SAXO1: variants seen among roughly 807,000 people sequenced by gnomAD.
SAXO1 encodes 4930500O09Rik.
SAXO1 carries 21 observed loss-of-function variants against 17.5 expected under a neutral mutation model. The ratio of observed to expected loss-of-function variants is 1.20; its 90% CI spans 0.85 to 1.72. The LOEUF (loss-of-function observed/expected upper bound fraction) is 1.72, where lower values mean the gene tolerates loss of function less well. Ranked by LOEUF, SAXO1 falls within the 40% of genes most tolerant of loss-of-function variation. The probability of loss-of-function intolerance (pLI) is 0.00; values close to 1 mark genes in which losing one functional copy is unlikely to be tolerated. For missense variants in SAXO1, 843 were observed against 596.0 expected (o/e 1.41, Z -4.32); for synonymous variants, 274 against 216.5 (o/e 1.27, Z -2.33).
intron 1 of SAXO1, among the ~76,000 whole-genome samples, chr9:18,986,615 A>C (rs974725580): frequency 1.3e-5 from 2 of 152,162 alleles, no homozygotes; most frequent in African/African-American, 4.8e-5. Context: ...AAGGAGAAAA[A>C]AAAAAGGGGG....
intron 1 of SAXO1, among the ~76,000 whole-genome samples, chr9:19,013,410 T>A (rs1834838245): frequency 6.6e-6 from 1 of 152,168 alleles, no homozygotes; most frequent in South Asian, 2.1e-4. Flanking sequence ...GTATTTCCCC[T>A]TACCTTTTTC....
intron 1 of SAXO1, among the ~76,000 whole-genome samples, chr9:19,039,724 G>T (rs1322865340): frequency 6.6e-6 from 1 of 152,140 alleles, no homozygotes. Context: ...AGAGATGCAG[G>T]TCTTGGAATT....
intron 1 of SAXO1, chr9:19,027,982 G>T: frequency 6.4e-7 from 1 of 1,559,126 alleles, no homozygotes; most frequent in Non-Finnish European, 8.8e-7. Flanking sequence ...CTGCACAGAT[G>T]ACTTCAACGG....
intron 1 of SAXO1, among the ~76,000 whole-genome samples, chr9:19,011,991 G>T (rs573063718): frequency 1.4e-3 from 206 of 151,948 alleles, no homozygotes; most frequent in African/African-American, 4.8e-3. Flanking sequence ...GACTACAGGC[G>T]CAGGTCACCA....
intron 1 of SAXO1, among the ~76,000 whole-genome samples, chr9:19,006,426 T>G (rs1834483275): frequency 6.6e-6 from 1 of 152,168 alleles, no homozygotes; most frequent in African/African-American, 2.4e-5. Context: ...TACAACAGAT[T>G]ATTCGGTCTT....
chr9:18,993,220 T>C, intron 1 of SAXO1, among the ~76,000 whole-genome samples: 1 of 151,800 alleles, frequency 6.6e-6, no homozygotes. Context: ...GTCATCTAGG[T>C]TTTAAGCCCC....
At chr9:18,968,724 G>C (rs1025732002) in intron 1 of SAXO1, among the ~76,000 whole-genome samples, 1 of 151,942 alleles carries the variant, frequency 6.6e-6, no homozygotes, top group Non-Finnish European at 1.5e-5. Flanking sequence ...CTCTGGAGTA[G>C]CTGGGATTAC....
chr9:18,983,912 C>T (rs1833493361), intron 1 of SAXO1, among the ~76,000 whole-genome samples: 1 of 152,164 alleles, frequency 6.6e-6, no homozygotes, highest in African/African-American at 2.4e-5. Flanking sequence ...AGGAGTTAAC[C>T]ACATTCTATG....
chr9:18,985,644 A>G (rs886085516), intron 1 of SAXO1, among the ~76,000 whole-genome samples: 2 of 152,194 alleles, frequency 1.3e-5, no homozygotes, highest in African/African-American at 4.8e-5. Flanking sequence ...GATGGAGCCC[A>G]AGGGCCTCTG....
intron 2 of SAXO1, among the ~76,000 whole-genome samples, chr9:18,945,526 G>A (rs1831756222): frequency 6.6e-6 from 1 of 152,152 alleles, no homozygotes; most frequent in African/African-American, 2.4e-5. Context: ...AGGCAGCTTG[G>A]GGAGTCCATC....
At chr9:18,949,522 C>G (rs1356270499) in intron 2 of SAXO1, among the ~76,000 whole-genome samples, 1 of 152,182 alleles carries the variant, frequency 6.6e-6, no homozygotes, top group Admixed American at 6.5e-5. Flanking sequence ...TCAACTCCCT[C>G]TCATTCTCAA....
rs1303383625 is a variant in SAXO1, at chr9:18,928,220, C to T, written c.1257G>A (p.Arg419=). 1 of 1,614,144 alleles carries T rather than the reference C, an allele frequency of 6.2e-7. No homozygotes were observed. ...GAGGCTCAGGATATGAAGCTAGGCA[C>T]CTGCCCATTTCCTTGGGAGTAAAGC... The part of the protein sequence containing the change: ...TISFTPKEMG[R]CLASYPEPPG... The change falls in exon 4 of 4, where the codon AGG becomes AGA. Residue 419 remains arginine (R), a synonymous_variant. Transcript: ENST00000380534.
intron 1 of SAXO1, among the ~76,000 whole-genome samples, chr9:18,975,884 A>G (rs1160570434): frequency 1.1e-5 from 1 of 94,360 alleles, no homozygotes; most frequent in Non-Finnish European, 3.1e-5. Flanking sequence ...GAAGTGGAGC[A>G]GACAGACCAA....
chr9:19,014,454 G>T lies in SAXO1; in HGVS notation c.38+18417C>A, dbSNP rs566178422. ...CCAGCCTGGGCAACAGAGCGAAACT[G>T]TGTCTCAAAAAAAAAAAAAAAAAGT... On this transcript the variant is annotated intron_variant, in intron 1 of 3. Coordinates refer to ENST00000380534, the MANE Select transcript of SAXO1 (RefSeq NM_153707.4). 3.7e-3 allele frequency among the ~76,000 whole-genome samples: 213 copies of T among 57,736 alleles called. 1 individual carries two copies. Among genetic ancestry groups the T allele is most frequent in the African/African-American group, 9.4e-3 (197 of 20,946 alleles). The allele number at this position is 57,736 out of a possible 152,430, so 37.9% of individuals were successfully genotyped here.
At chr9:18,931,900 T>G (rs1339567851) in intron 3 of SAXO1, among the ~76,000 whole-genome samples, 1 of 152,240 alleles carries the variant, frequency 6.6e-6, no homozygotes, top group African/African-American at 2.4e-5. Context: ...TTGCATGTTC[T>G]AAATACAAAT....
At chr9:18,970,208 A>G (rs1327954690) in intron 1 of SAXO1, among the ~76,000 whole-genome samples, 1 of 152,248 alleles carries the variant, frequency 6.6e-6, no homozygotes, top group East Asian at 1.9e-4. Context: ...TAAATGTCTC[A>G]TAAAATTAAT....
intron 1 of SAXO1, among the ~76,000 whole-genome samples, chr9:18,956,782 T>G (rs1008600002): frequency 6.6e-6 from 1 of 152,238 alleles, no homozygotes; most frequent in Admixed American, 6.5e-5. Flanking sequence ...AAGGCTAATT[T>G]GTGGAGCAAT....
At chr9:18,943,176 G>A (rs1314660226) in intron 2 of SAXO1, among the ~76,000 whole-genome samples, 1 of 152,234 alleles carries the variant, frequency 6.6e-6, no homozygotes, top group Non-Finnish European at 1.5e-5. Context: ...AAGTTAGGAA[G>A]CAGGAGAATT....
At chr9:19,002,035 T>A (rs571715652) in intron 1 of SAXO1, among the ~76,000 whole-genome samples, 42 of 152,064 alleles carry the variant, frequency 2.8e-4, no homozygotes, top group African/African-American at 9.6e-4. Flanking sequence ...AAGAGTCAAA[T>A]AGACGCAATA....
Sources: allele counts gnomAD v4.1 joint callset (sites outside exome capture counted in the v4.1 genomes callset), GRCh38; gene constraint gnomAD v4.1.1; transcripts MANE v1.5; gene names NCBI Gene and HGNC (gene_info 2026-07-23, HGNC 2026-07-21).